Variants in MAN2A1 observed in about 807,000 individuals in gnomAD.
MAN2A1 encodes alpha-mannosidase 2.
A neutral mutation model predicts 142.6 loss-of-function variants in MAN2A1; 76 were observed. The ratio of observed to expected loss-of-function variants is 0.53; its 90% CI spans 0.44 to 0.65. MAN2A1 has a LOEUF of 0.65. MAN2A1 is among the 30% of genes least tolerant of loss of function. The pLI is 0.00. For missense variants in MAN2A1, 1,311 were observed against 1,365.1 expected, an observed-to-expected ratio of 0.96 and a Z score of 0.62; for synonymous variants, 559 against 473.2, an observed-to-expected ratio of 1.18 and a Z score of -2.35.
chr5:109,839,312 A>G (rs1209408787), intron 16 of MAN2A1, among the ~76,000 whole-genome samples: 2 of 152,210 alleles, frequency 1.3e-5, no homozygotes, highest in Non-Finnish European at 2.9e-5. Flanking sequence ...GAGGGTTTGC[A>G]TTTAGAGTGA....
intron 16 of MAN2A1, among the ~76,000 whole-genome samples, chr5:109,836,357 C>A (rs1487278394): frequency 6.6e-6 from 1 of 151,706 alleles, no homozygotes; most frequent in Non-Finnish European, 1.5e-5. Flanking sequence ...TTCACATGAT[C>A]CACCCACCTC....
intron 20 of MAN2A1, among the ~76,000 whole-genome samples, chr5:109,855,857 A>G (rs1215694781): frequency 6.6e-6 from 1 of 152,210 alleles, no homozygotes; most frequent in Admixed American, 6.5e-5. Flanking sequence ...CCTGTTTTTA[A>G]CATCAAAAAG....
chr5:109,760,560 C>T (rs1183370313), intron 5 of MAN2A1, among the ~76,000 whole-genome samples: 3 of 152,148 alleles, frequency 2.0e-5, no homozygotes, highest in Admixed American at 6.5e-5. Flanking sequence ...AATCACCACA[C>T]CGTCTTCCAC....
chr5:109,822,769 C>G (rs2112729555), intron 15 of MAN2A1, among the ~76,000 whole-genome samples: 1 of 152,246 alleles, frequency 6.6e-6, no homozygotes, highest in East Asian at 1.9e-4. Flanking sequence ...GCTCCGCCTC[C>G]TGGGTTCACG....
intron 21 of MAN2A1, 34 bp downstream of exon 21, chr5:109,865,180 G>A: frequency 6.8e-7 from 1 of 1,470,328 alleles, no homozygotes; most frequent in Non-Finnish European, 9.5e-7. Flanking sequence ...CTTACTGTTA[G>A]TGTGCTTTGA....
chr5:109,722,394 A>G (rs1751629606), intron 3 of MAN2A1, among the ~76,000 whole-genome samples: 1 of 152,068 alleles, frequency 6.6e-6, no homozygotes, highest in Non-Finnish European at 1.5e-5. Flanking sequence ...ATTTACAAGC[A>G]ATATTTTCCA....
intron 19 of MAN2A1, among the ~76,000 whole-genome samples, chr5:109,850,287 T>G (rs3776932): frequency 0.18 from 27,243 of 152,128 alleles, 3,377 homozygotes; most frequent in East Asian, 0.64. Flanking sequence ...TTATTGCAAT[T>G]TCTGCCTATT....
In MAN2A1 at chr5:109,755,362, A is replaced by C; in HGVS notation, c.741A>C (p.Thr247=). The change falls in exon 5 of 22, where the codon ACA becomes ACC. Residue 247 remains threonine (T), a synonymous_variant. Transcript: ENST00000261483. ...AAAATGGTCAGCTTGAAATTGTGAC[A>C]GGTGGCTGGGTTATGCCTGATGAAG... ...LIENGQLEIV[T]GGWVMPDEAT... is the part of the protein sequence containing the mutation. The C allele has an allele frequency of 6.2e-7, 1 of 1,612,774 alleles. No homozygotes were observed. Among genetic ancestry groups the C allele is most frequent in the Non-Finnish European group, 8.5e-7 (1 of 1,178,768 alleles).
chr5:109,799,203 T>C (rs998700088), intron 12 of MAN2A1, among the ~76,000 whole-genome samples: 4 of 152,156 alleles, frequency 2.6e-5, no homozygotes, highest in Non-Finnish European at 5.9e-5. Context: ...TTAACTAATA[T>C]TAGCAATGAT....
At chr5:109,760,018 G>A (rs761089985) in intron 5 of MAN2A1, among the ~76,000 whole-genome samples, 5 of 151,706 alleles carry the variant, frequency 3.3e-5, no homozygotes, top group Admixed American at 6.6e-5. Flanking sequence ...TTAAGTTCTG[G>A]GATACATGTG....
At chr5:109,756,560 T>C (rs988284408) in intron 5 of MAN2A1, among the ~76,000 whole-genome samples, 8 of 152,204 alleles carry the variant, frequency 5.3e-5, no homozygotes, top group Non-Finnish European at 8.8e-5. Context: ...CAAAATATTC[T>C]CATAAACCCT....
chr5:109,742,551 A>G (rs974452493), intron 4 of MAN2A1, among the ~76,000 whole-genome samples: 3 of 152,204 alleles, frequency 2.0e-5, no homozygotes, highest in African/African-American at 7.2e-5. Flanking sequence ...ACATTTTTAA[A>G]TAAGAATCCA....
At chr5:109,832,028 T>TA (rs1412423970) in intron 16 of MAN2A1, among the ~76,000 whole-genome samples, 1 of 151,762 alleles carries the variant, frequency 6.6e-6, no homozygotes, top group Non-Finnish European at 1.5e-5. Context: ...TCCTAATGGA[T>TA]AATGTATCCA....
At chr5:109,811,924 CTGT>C (rs1009646310) in intron 12 of MAN2A1, among the ~76,000 whole-genome samples, 3 of 152,028 alleles carry the variant, frequency 2.0e-5, no homozygotes, top group African/African-American at 7.2e-5. Flanking sequence ...GTATTATCAC[CTGT>C]TGTTAATTTC....
chr5:109,780,472 A>C (rs563762326), intron 8 of MAN2A1, among the ~76,000 whole-genome samples: 1 of 151,784 alleles, frequency 6.6e-6, no homozygotes, highest in East Asian at 1.9e-4. Flanking sequence ...ATTCAAAGCT[A>C]TGCTATTGCT....
chr5:109,701,712 G>C (rs1279348551), intron 1 of MAN2A1, among the ~76,000 whole-genome samples: 2 of 152,092 alleles, frequency 1.3e-5, no homozygotes, highest in Non-Finnish European at 2.9e-5. Context: ...GGCTAGAATC[G>C]GGAGGATGAA....
intron 6 of MAN2A1, among the ~76,000 whole-genome samples, 167 bp from the exon 7 acceptor site, chr5:109,770,188 G>GGT (rs1240090387): frequency 1.3e-5 from 2 of 152,182 alleles, no homozygotes; most frequent in Non-Finnish European, 2.9e-5. Context: ...CCTTCAGACA[G>GGT]GTGGCCATTA....
intron 13 of MAN2A1, 149 bp from the exon 14 acceptor site, chr5:109,819,518 CTG>C: frequency 2.2e-6 from 1 of 445,728 alleles, no homozygotes; most frequent in Non-Finnish European, 4.0e-6. Flanking sequence ...TTGGTTGAAA[CTG>C]TGGACATGGA....
chr5:109,731,200 A>G (rs1751895745), intron 4 of MAN2A1, among the ~76,000 whole-genome samples: 1 of 150,994 alleles, frequency 6.6e-6, no homozygotes, highest in Non-Finnish European at 1.5e-5. Flanking sequence ...AACATTTATC[A>G]TTTTCTTGTC....
Sources: gnomAD v4.1 joint callset for allele counts (sites outside exome capture counted in the v4.1 genomes callset) on GRCh38, gnomAD v4.1.1 for gene constraint, MANE v1.5 for transcripts, NCBI Gene and HGNC (gene_info 2026-07-23, HGNC 2026-07-21) for gene names.